The following SEMA3A variants were observed in gnomAD, a reference collection of about 807,000 sequenced individuals.
SEMA3A encodes semaphorin-3A.
In SEMA3A, 29 loss-of-function variants were observed where a neutral mutation model predicts 97.9. The ratio of observed to expected loss-of-function variants is 0.30; its 90% CI spans 0.22 to 0.40. The LOEUF (loss-of-function observed/expected upper bound fraction) is 0.40, where lower values mean the gene tolerates loss of function less well. Among genes scored for constraint, SEMA3A ranks in the 10% least tolerant of loss-of-function variants. The pLI, the probability that SEMA3A is intolerant of heterozygous loss-of-function variation, is 1.00. For synonymous variants in SEMA3A, 321 were observed against 323.7 expected (o/e 0.99, Z 0.09); for missense variants, 763 against 951.3 (o/e 0.80, Z 2.60).
chr7:84,110,265 C>T (rs1795236601), intron 4 of SEMA3A, among the ~76,000 whole-genome samples: 1 of 152,160 alleles, frequency 6.6e-6, no homozygotes, highest in African/African-American at 2.4e-5. Context: ...TTTCTTCCTT[C>T]CTTCCTCCTG....
intron 16 of SEMA3A, among the ~76,000 whole-genome samples, chr7:83,962,193 T>C (rs1053861639): frequency 7.9e-5 from 12 of 152,172 alleles, no homozygotes; most frequent in Non-Finnish European, 1.5e-4. Context: ...AGAACCATGA[T>C]ACTAGAAAGA....
intron 1 of SEMA3A, among the ~76,000 whole-genome samples, chr7:84,482,619 C>T (rs1806475918): frequency 1.3e-5 from 2 of 152,134 alleles, no homozygotes; most frequent in South Asian, 4.1e-4. Context: ...CCCTATAGAA[C>T]AGCCCAAGTA....
chr7:84,140,286 T>C (rs760358398), intron 1 of SEMA3A, among the ~76,000 whole-genome samples: 2 of 152,102 alleles, frequency 1.3e-5, no homozygotes, highest in Non-Finnish European at 2.9e-5. Context: ...TGGGTCAGAT[T>C]CTCAAAAAGG....
intron 10 of SEMA3A, among the ~76,000 whole-genome samples, chr7:84,006,712 G>GTAAT (rs1240864170): frequency 1.3e-5 from 2 of 152,122 alleles, no homozygotes; most frequent in African/African-American, 2.4e-5. Context: ...GAGCTAAAAT[G>GTAAT]TAATTATGAG....
At chr7:84,407,957 G>T (rs1232745557) in intron 1 of SEMA3A, among the ~76,000 whole-genome samples, 3 of 152,084 alleles carry the variant, frequency 2.0e-5, no homozygotes, top group Non-Finnish European at 4.4e-5. Flanking sequence ...GAAAACCTAG[G>T]CATTACCATT....
At chr7:84,453,355 G>A (rs1805609411) in intron 1 of SEMA3A, among the ~76,000 whole-genome samples, 1 of 151,226 alleles carries the variant, frequency 6.6e-6, no homozygotes, top group African/African-American at 2.4e-5. Flanking sequence ...TCCTGCCTCA[G>A]CCTCCCGAGT....
intron 5 of SEMA3A, among the ~76,000 whole-genome samples, chr7:84,053,790 G>A (rs1239874633): frequency 2.1e-5 from 3 of 142,854 alleles, no homozygotes; most frequent in Non-Finnish European, 4.7e-5. Context: ...GTTAATTGAT[G>A]GAGTTTCTTC....
chr7:84,121,294 T>C (rs1216639525), intron 3 of SEMA3A, among the ~76,000 whole-genome samples: 7 of 152,132 alleles, frequency 4.6e-5, no homozygotes, highest in African/African-American at 1.7e-4. Flanking sequence ...ATGTGCCATG[T>C]TGCTGTGCTG....
Position 84,224,955 on chromosome 7 carries a change from C to T in SEMA3A, c.-82-30287G>A, listed in dbSNP as rs550501506. On this transcript the variant is annotated intron_variant, in intron 3 of 3. Transcript: ENST00000424555. ...AAAATAAGATGATCCTGCTTTATAG[C>T]CCCCCCTAGTATATGTAATGGAACT... Among the ~76,000 whole-genome samples, 25 of 144,152 alleles carry T rather than the reference C, an allele frequency of 1.7e-4. No individual in the cohort carries two copies. In the South Asian group the frequency reaches 4.8e-3, roughly 28 times the overall value. 94.6% of individuals were successfully genotyped at this position (144,152 alleles called of 152,430 possible). A position where few individuals can be genotyped will look rare whatever the true frequency, so the allele number is the denominator to read the frequency against.
chr7:84,003,103 A>G (rs3801598), intron 11 of SEMA3A, among the ~76,000 whole-genome samples: 36,937 of 152,008 alleles, frequency 0.24, 4,651 homozygotes, highest in South Asian at 0.31. Context: ...CAAAGAATAA[A>G]TTATATGAGA....
intron 1 of SEMA3A, among the ~76,000 whole-genome samples, chr7:84,378,122 G>A (rs1803155926): frequency 6.6e-6 from 1 of 151,770 alleles, no homozygotes; most frequent in South Asian, 2.1e-4. Context: ...GATTATCTAA[G>A]GCAACAATGG....
At chr7:84,319,540 T>C (rs1180733963) in intron 2 of SEMA3A, among the ~76,000 whole-genome samples, 2 of 152,162 alleles carry the variant, frequency 1.3e-5, no homozygotes, top group East Asian at 1.9e-4. Context: ...AAGAATTCCA[T>C]GTAAAATTCA....
chr7:84,098,494 G>A (rs1016067631), intron 4 of SEMA3A, among the ~76,000 whole-genome samples: 1 of 150,322 alleles, frequency 6.7e-6, no homozygotes, highest in African/African-American at 2.5e-5. Flanking sequence ...ACTGTTTTGT[G>A]GGGTATTCTA....
intron 3 of SEMA3A, among the ~76,000 whole-genome samples, chr7:84,116,307 T>C (rs1345522299): frequency 6.6e-6 from 1 of 152,220 alleles, no homozygotes; most frequent in Non-Finnish European, 1.5e-5. Context: ...TGCAAGTGCC[T>C]GTGGCATATT....
intron 1 of SEMA3A, among the ~76,000 whole-genome samples, chr7:84,383,362 A>G (rs1057412803): frequency 2.0e-5 from 3 of 152,184 alleles, no homozygotes; most frequent in Admixed American, 1.3e-4. Flanking sequence ...TTATGAAAAC[A>G]AAGTATAAAA....
chr7:84,150,167 C>G lies in SEMA3A; in HGVS notation c.113-15216G>C, dbSNP rs539529857. On this transcript the variant is annotated intron_variant, in intron 1 of 16. Transcript: ENST00000265362. The stretch of plus-strand genomic sequence containing the variant: ...GTAGGAATTATTTTTTAACTTTACC[C>G]TCAAATTAATAAATTGTTACGAAAA... 2.2e-3 allele frequency among the ~76,000 whole-genome samples: 341 copies of G among 152,236 alleles called. 1 individual carries two copies. Among genetic ancestry groups the G allele is most frequent in the African/African-American group, 7.9e-3 (328 of 41,530 alleles).
intron 1 of SEMA3A, among the ~76,000 whole-genome samples, chr7:84,418,715 G>A (rs895080397): frequency 6.6e-6 from 1 of 151,882 alleles, no homozygotes; most frequent in African/African-American, 2.4e-5. Flanking sequence ...CCTCCGGGGG[G>A]CTCTTGAGCC....
chr7:84,078,847 T>C (rs1452120295), intron 4 of SEMA3A, among the ~76,000 whole-genome samples: 8 of 152,052 alleles, frequency 5.3e-5, no homozygotes. Flanking sequence ...TATGTCTAAA[T>C]TAAGTGTTGA....
At chr7:84,322,080 C>A (rs1230291771) in intron 2 of SEMA3A, among the ~76,000 whole-genome samples, 1 of 151,406 alleles carries the variant, frequency 6.6e-6, no homozygotes, top group East Asian at 2.0e-4. Flanking sequence ...AAATGTCAAA[C>A]ACTTACAAAA....
Sources: allele counts gnomAD v4.1 joint callset (sites outside exome capture counted in the v4.1 genomes callset), GRCh38; gene constraint gnomAD v4.1.1; transcripts MANE v1.5; gene names NCBI Gene and HGNC (gene_info 2026-07-23, HGNC 2026-07-21).